Variants in RALGAPA2 observed in about 807,000 individuals in gnomAD.
RALGAPA2 encodes the protein ral GTPase-activating protein subunit alpha-2.
Under a neutral mutation model 230.4 loss-of-function variants are expected in RALGAPA2, and 139 were observed. The ratio of observed to expected loss-of-function variants is 0.60; its 90% confidence interval spans 0.53 to 0.69. The LOEUF (loss-of-function observed/expected upper bound fraction) is 0.69. Ranked by LOEUF, RALGAPA2 falls within the 30% of genes least tolerant of loss-of-function variation. The pLI is 0.00. For synonymous variants in RALGAPA2, 847 were observed against 837.8 expected (o/e 1.01, Z -0.19); for missense variants, 2,163 against 2,276.0 (o/e 0.95, Z 1.01).
chr20:20,669,442 C>T (rs1409943922), intron 3 of RALGAPA2, among the ~76,000 whole-genome samples: 1 of 152,142 alleles, frequency 6.6e-6, no homozygotes, highest in East Asian at 1.9e-4. Context: ...TTCTGATATG[C>T]AAACCAACCA....
intron 1 of RALGAPA2, among the ~76,000 whole-genome samples, chr20:20,686,849 C>T (rs1332399940): frequency 6.6e-6 from 1 of 152,186 alleles, no homozygotes; most frequent in Non-Finnish European, 1.5e-5. Context: ...CTTCAGCAGA[C>T]CCCTAGAAAG....
Position 20,507,045 on chromosome 20 carries a change from C to T in RALGAPA2, c.4929-1511G>A, listed in dbSNP as rs563638683. On this transcript the variant is annotated intron_variant, in intron 33 of 39. Coordinates refer to ENST00000202677, the MANE Select transcript of RALGAPA2 (RefSeq NM_020343.4). ...CCATTTTAGGATACACTTTTGCATG[C>T]ACATATGAGAAGCTACTACATTCTG... 3.3e-5 allele frequency among the ~76,000 whole-genome samples: 5 copies of T among 152,336 alleles called. No homozygotes were observed. The South Asian group carries it at 1.0e-3, about 32-fold the overall frequency.
At chr20:20,566,546 A>T (rs1238233385) in intron 23 of RALGAPA2, among the ~76,000 whole-genome samples, 2 of 152,214 alleles carry the variant, frequency 1.3e-5, no homozygotes, top group Non-Finnish European at 2.9e-5. Flanking sequence ...GAAATAAATG[A>T]TGGTGTTGCT....
Position 20,601,782 on chromosome 20 carries a change from G to C in RALGAPA2, c.2103C>G (p.Ser701Arg), listed in dbSNP as rs778281177. The C allele has an allele frequency of 1.9e-6, 3 of 1,613,018 alleles. No homozygotes were observed. In the South Asian group the frequency reaches 3.3e-5, roughly 18 times the overall value. ...VGRSFSLSWR[S>R]HPDVTEPMRF... Reference sequence around the variant, plus strand: ...GCATCGGTTCGGTCACATCTGGGTGGCTCCGCCAGCTGAGAGAAAAGGACC... The same window carrying C: ...GCATCGGTTCGGTCACATCTGGGTGCCTCCGCCAGCTGAGAGAAAAGGACC... The change falls in exon 16 of 40, where the codon AGC becomes AGG. Residue 701 changes from serine to arginine, a missense_variant. Transcript: ENST00000202677.
chr20:20,679,485 A>C (rs1004753550), intron 2 of RALGAPA2, among the ~76,000 whole-genome samples: 2 of 152,164 alleles, frequency 1.3e-5, no homozygotes, highest in African/African-American at 4.8e-5. Context: ...TACTTGTGAT[A>C]GTAACAAACA....
At position 20,396,260 on chromosome 20, in the gene RALGAPA2, G is replaced by A. The variant is rs2183186; in HGVS notation, c.*35+435C>T. Among the ~76,000 whole-genome samples, 657 of 152,334 alleles carry A rather than the reference G, an allele frequency of 4.3e-3. 10 individuals carry two copies. The highest frequency in any genetic ancestry group is 0.033 in the Admixed American group (500 of 15,306). ...GCCCCCGCCACAACCTGCCCTCCCCGCATGGAGGTCTCAGAGGCCTCCATT... is the reference window on the plus strand; with the variant it reads ...GCCCCCGCCACAACCTGCCCTCCCCACATGGAGGTCTCAGAGGCCTCCATT... On this transcript the variant is annotated intron_variant, in intron 39 of 39. Transcript: ENST00000202677.
intron 16 of RALGAPA2, chr20:20,598,844 T>C (rs1301367362): frequency 1.3e-5 from 6 of 447,772 alleles, no homozygotes; most frequent in Admixed American, 4.9e-5. Flanking sequence ...AAAGTAATAA[T>C]TATGTCAGAA....
At chr20:20,517,786 C>G (rs998147062) in intron 31 of RALGAPA2, among the ~76,000 whole-genome samples, 6 of 150,160 alleles carry the variant, frequency 4.0e-5, no homozygotes, top group African/African-American at 1.5e-4. Flanking sequence ...AACATTAAAG[C>G]CACATCTTGA....
At chr20:20,533,687 A>T (rs1321071600) in intron 26 of RALGAPA2, among the ~76,000 whole-genome samples, 1 of 152,140 alleles carries the variant, frequency 6.6e-6, no homozygotes, top group Non-Finnish European at 1.5e-5. Flanking sequence ...CTGGGCATTC[A>T]TTTTTTTCAG....
At chr20:20,467,879 T>C (rs1602458527) in intron 37 of RALGAPA2, among the ~76,000 whole-genome samples, 1 of 152,182 alleles carries the variant, frequency 6.6e-6, no homozygotes, top group South Asian at 2.1e-4. Flanking sequence ...AAAATCCCCT[T>C]ATTAAAAATC....
intron 12 of RALGAPA2, among the ~76,000 whole-genome samples, chr20:20,618,324 C>A (rs1038652721): frequency 6.6e-6 from 1 of 152,106 alleles, no homozygotes; most frequent in Non-Finnish European, 1.5e-5. Context: ...CTGATGGGGA[C>A]GCAGGTCATA....
intron 24 of RALGAPA2, among the ~76,000 whole-genome samples, chr20:20,542,513 T>C (rs1246476457): frequency 2.0e-5 from 3 of 152,122 alleles, no homozygotes; most frequent in Non-Finnish European, 1.5e-5. Context: ...CAAACTCTAC[T>C]ACAAGGATAT....
chr20:20,437,194 TAAG>T lies in RALGAPA2; in HGVS notation c.5496-25049_5496-25047del, dbSNP rs2060634111. On this transcript the variant is annotated intron_variant, in intron 37 of 39. Transcript: ENST00000202677. The surrounding 1 kb of genome is among the most constrained non-coding windows in gnomAD (Gnocchi z 4.1). Reference sequence around the variant, plus strand: ...GTTCACCTCCTGTAAATGGGGAAATTAAGGAGACTGGCAACCACAAACCACTCT... The same window carrying T: ...GTTCACCTCCTGTAAATGGGGAAATTGAGACTGGCAACCACAAACCACTCT... 6.6e-6 allele frequency among the ~76,000 whole-genome samples: 1 copy of T among 152,156 alleles called. No individual in the cohort carries two copies.
chr20:20,647,242 T>G (rs916997649), intron 4 of RALGAPA2, among the ~76,000 whole-genome samples: 1 of 152,222 alleles, frequency 6.6e-6, no homozygotes, highest in Non-Finnish European at 1.5e-5. Flanking sequence ...TAGTTTTAAT[T>G]TTTTAAAACC....
chr20:20,707,872 G>A (rs1049365853), intron 1 of RALGAPA2, among the ~76,000 whole-genome samples: 3 of 152,064 alleles, frequency 2.0e-5, no homozygotes, highest in East Asian at 1.9e-4. Flanking sequence ...ACCACACCTC[G>A]CCATGTTACT....
At chr20:20,643,359 C>T in intron 5 of RALGAPA2, 147 bp downstream of exon 5, 1 of 760,432 alleles carries the variant, frequency 1.3e-6, no homozygotes, top group South Asian at 1.9e-5. Flanking sequence ...GAACAAAACC[C>T]TAACAATATA....
At chr20:20,649,048 G>C (rs1423401694) in intron 4 of RALGAPA2, among the ~76,000 whole-genome samples, 1 of 152,186 alleles carries the variant, frequency 6.6e-6, no homozygotes, top group Non-Finnish European at 1.5e-5. Context: ...GCACAGAGCA[G>C]TAACGGTAAA....
intron 36 of RALGAPA2, among the ~76,000 whole-genome samples, chr20:20,482,092 T>C (rs1225025632): frequency 1.3e-5 from 2 of 152,198 alleles, no homozygotes; most frequent in African/African-American, 2.4e-5. Context: ...TACCAGAAGA[T>C]AGCTTTTGGG....
Position 20,398,619 on chromosome 20 carries a change from C to T in RALGAPA2, c.5618-1885G>A, listed in dbSNP as rs911181017. Among the ~76,000 whole-genome samples the T allele has an allele frequency of 6.6e-6, 1 of 152,096 alleles. No homozygotes were observed. The highest frequency in any genetic ancestry group is 1.5e-5 in the Non-Finnish European group (1 of 68,006). On this transcript the variant is annotated intron_variant, in intron 38 of 39. Transcript: ENST00000202677. This position sits in a 1 kb window ranked among gnomAD's most constrained non-coding sequence, Gnocchi z 4.5. ...ACATCTCTGGGGTACGCACAGGGCACTGACCAACCTGGGCAGTGTGGAGGG... is the reference window on the plus strand; with the variant it reads ...ACATCTCTGGGGTACGCACAGGGCATTGACCAACCTGGGCAGTGTGGAGGG...
Sources: gnomAD v4.1 joint callset for allele counts (sites outside exome capture counted in the v4.1 genomes callset) on GRCh38, gnomAD v4.1.1 for gene constraint, Gnocchi (gnomAD v3.1) non-coding constraint, MANE v1.5 for transcripts, NCBI Gene and HGNC (gene_info 2026-07-23, HGNC 2026-07-21) for gene names.